Variants in ZNF438 observed in about 807,000 individuals in gnomAD.
ZNF438 encodes zinc finger protein 438.
ZNF438 carries 25 observed loss-of-function variants against 38.0 expected under a neutral mutation model. The ratio of observed to expected loss-of-function variants is 0.66; its 90% CI spans 0.48 to 0.92. ZNF438 has a LOEUF of 0.92. ZNF438 is among the 40% of genes least tolerant of loss of function. The pLI, the probability that ZNF438 is intolerant of heterozygous loss-of-function variation, is 0.00. For synonymous variants in ZNF438, 372 were observed against 364.1 expected, an observed-to-expected ratio of 1.02 and a Z score of -0.25; for missense variants, 1,007 against 999.6, an observed-to-expected ratio of 1.01 and a Z score of -0.10.
chr10:30,996,602 A>G (rs1389952038), intron 1 of ZNF438, among the ~76,000 whole-genome samples: 8 of 151,968 alleles, frequency 5.3e-5, no homozygotes. Context: ...ACACAATTGA[A>G]AAATAATAAT....
intron 2 of ZNF438, among the ~76,000 whole-genome samples, chr10:30,909,275 CAA>C (rs889982827): frequency 3.9e-4 from 60 of 152,114 alleles, no homozygotes; most frequent in African/African-American, 1.4e-3. Flanking sequence ...GTTACAAAAC[CAA>C]AGAAATGCTT....
At chr10:31,000,146 C>A (rs902904759) in intron 1 of ZNF438, among the ~76,000 whole-genome samples, 9 of 152,268 alleles carry the variant, frequency 5.9e-5, no homozygotes, top group Middle Eastern at 6.8e-3. Context: ...CAGCTGTCTA[C>A]AATTTTTATA....
chr10:30,850,719 A>G (rs1165510772), intron 4 of ZNF438, among the ~76,000 whole-genome samples: 1 of 152,084 alleles, frequency 6.6e-6, no homozygotes, highest in Non-Finnish European at 1.5e-5. Flanking sequence ...CATTTAACCT[A>G]TCCCCACTCA....
chr10:30,963,461 T>C (rs1015011491), intron 1 of ZNF438, among the ~76,000 whole-genome samples: 2 of 151,612 alleles, frequency 1.3e-5, no homozygotes, highest in Admixed American at 6.6e-5. Flanking sequence ...ATGATATTTA[T>C]CTATAGTGAC....
chr10:30,855,836 G>A (rs764710600), intron 4 of ZNF438, among the ~76,000 whole-genome samples: 1 of 152,230 alleles, frequency 6.6e-6, no homozygotes, highest in Non-Finnish European at 1.5e-5. Context: ...CTTTATATGT[G>A]CAGAATATCT....
At chr10:30,855,794 CA>C (rs1208438881) in intron 4 of ZNF438, among the ~76,000 whole-genome samples, 1 of 152,146 alleles carries the variant, frequency 6.6e-6, no homozygotes, top group Non-Finnish European at 1.5e-5. Flanking sequence ...CTTGGATTAA[CA>C]AAAATGAGAA....
At chr10:30,865,634 C>G (rs10826877) in intron 4 of ZNF438, among the ~76,000 whole-genome samples, 59,196 of 152,050 alleles carry the variant, frequency 0.39, 11,778 homozygotes, top group Admixed American at 0.41. Context: ...TGCTCCTTTA[C>G]TAAACTTGAT....
chr10:30,896,040 G>A (rs895352201), intron 3 of ZNF438, among the ~76,000 whole-genome samples: 13 of 152,096 alleles, frequency 8.5e-5, no homozygotes, highest in Admixed American at 3.9e-4. Context: ...GGTGCCTCAC[G>A]CCTGTAATCC....
intron 4 of ZNF438, among the ~76,000 whole-genome samples, chr10:30,866,199 C>T (rs1488234068): frequency 6.6e-6 from 1 of 152,168 alleles, no homozygotes; most frequent in African/African-American, 2.4e-5. Context: ...GAGTACATGT[C>T]TGCTGCATAT....
chr10:30,960,051 A>T lies in ZNF438; in HGVS notation c.-191-18400T>A, dbSNP rs923160077. 4.1e-5 allele frequency among the ~76,000 whole-genome samples: 6 copies of T among 147,132 alleles called. 1 individual carries two copies. Among genetic ancestry groups the T allele is most frequent in the African/African-American group, 1.5e-4 (6 of 41,122 alleles). On this transcript the variant is annotated intron_variant, in intron 1 of 5. Transcript: ENST00000413025. ...ATGACTAATGATGCTCACTGTGCTTACATGTGGCTATTAATCACTCTCATG... is the reference window on the plus strand; with the variant it reads ...ATGACTAATGATGCTCACTGTGCTTTCATGTGGCTATTAATCACTCTCATG...
At chr10:30,886,462 T>C (rs758032354) in intron 3 of ZNF438, among the ~76,000 whole-genome samples, 4 of 152,214 alleles carry the variant, frequency 2.6e-5, no homozygotes, top group Non-Finnish European at 5.9e-5. Context: ...TATATACTGA[T>C]AAACCCATCC....
At chr10:30,887,772 C>T (rs534829664) in intron 3 of ZNF438, among the ~76,000 whole-genome samples, 23 of 152,270 alleles carry the variant, frequency 1.5e-4, no homozygotes, top group African/African-American at 5.1e-4. Context: ...AAAACAATCA[C>T]CCTATTGAAA....
chr10:31,021,919 CCAAAGAACT>C (rs145986299), intron 1 of ZNF438, among the ~76,000 whole-genome samples: 6,655 of 152,164 alleles, frequency 0.044, 454 homozygotes, highest in African/African-American at 0.15. Flanking sequence ...TGAGAAGCTG[CCAAAGAACT>C]CAACATTGAC....
At chr10:30,952,203 G>C (rs1282234980) in intron 1 of ZNF438, among the ~76,000 whole-genome samples, 21 of 151,468 alleles carry the variant, frequency 1.4e-4, no homozygotes, top group Non-Finnish European at 2.8e-4. Context: ...GACATATGTA[G>C]AAAGCTGAAA....
intron 1 of ZNF438, among the ~76,000 whole-genome samples, chr10:31,025,295 T>C (rs749953695): frequency 3.5e-4 from 53 of 152,368 alleles, no homozygotes; most frequent in Admixed American, 1.0e-3. Flanking sequence ...GAAGTTGTCT[T>C]GTACATTGTG....
chr10:30,982,017 T>C lies in ZNF438; in HGVS notation c.-191-40366A>G, dbSNP rs147462365. ...CTTCTAGCACAGAATAATAAGTTTT[T>C]CTTGTTTGCTTGTTTTGTGTGAACT... is the stretch of plus-strand genomic sequence containing the variant. On this transcript the variant is annotated intron_variant, in intron 1 of 5. Transcript: ENST00000413025. Among the ~76,000 whole-genome samples, 27 of 152,294 alleles carry C rather than the reference T, an allele frequency of 1.8e-4. 2 individuals are homozygous for C. The highest frequency in any genetic ancestry group is 5.5e-4 in the African/African-American group (23 of 41,566).
chr10:30,891,158 A>T (rs2040634847), intron 3 of ZNF438, among the ~76,000 whole-genome samples: 1 of 152,066 alleles, frequency 6.6e-6, no homozygotes, highest in Admixed American at 6.5e-5. Flanking sequence ...AAATTTGTGC[A>T]TTTCAATTCC....
At chr10:30,905,337 T>C (rs1297839735) in intron 3 of ZNF438, among the ~76,000 whole-genome samples, 1 of 152,238 alleles carries the variant, frequency 6.6e-6, no homozygotes, top group Non-Finnish European at 1.5e-5. Flanking sequence ...CAGTGTTTCA[T>C]TGTGGCTATT....
intron 4 of ZNF438, among the ~76,000 whole-genome samples, chr10:30,872,960 G>A (rs1400983225): frequency 6.6e-6 from 1 of 152,132 alleles, no homozygotes; most frequent in Admixed American, 6.5e-5. Context: ...CACATACATT[G>A]TCCCTGTCAG....
Sources: gnomAD v4.1 joint callset for allele counts (sites outside exome capture counted in the v4.1 genomes callset) on GRCh38, gnomAD v4.1.1 for gene constraint, MANE v1.5 for transcripts, NCBI Gene and HGNC (gene_info 2026-07-23, HGNC 2026-07-21) for gene names.